ALDH5A1: variants seen among roughly 807,000 people sequenced by gnomAD.
The protein encoded by ALDH5A1 is aldehyde dehydrogenase 5 family member A1, also known as succinate-semialdehyde dehydrogenase, mitochondrial.
ALDH5A1 carries 33 observed loss-of-function variants against 54.7 expected under a neutral mutation model. The ratio of observed to expected loss-of-function variants is 0.60; its 90% CI spans 0.46 to 0.81. ALDH5A1 has a LOEUF of 0.81. Among genes scored for constraint, ALDH5A1 ranks in the 30% least tolerant of loss-of-function variants. The pLI, the probability that ALDH5A1 is intolerant of heterozygous loss-of-function variation, is 0.00. For missense variants in ALDH5A1, 657 were observed against 711.0 expected (o/e 0.92, Z 0.86); for synonymous variants, 294 against 292.7 (o/e 1.00, Z -0.05).
chr6:24,519,089 C>CTTTTGTTTTG (rs1009058529), intron 5 of ALDH5A1, among the ~76,000 whole-genome samples: 1 of 151,878 alleles, frequency 6.6e-6, no homozygotes, highest in Non-Finnish European at 1.5e-5. Flanking sequence ...GTGTTTTTGT[C>CTTTTGTTTTG]TTTTGTTTTG....
At chr6:24,533,404 C>A in intron 9 of ALDH5A1, 103 bp from the exon 10 acceptor site, 1 of 1,232,162 alleles carries the variant, frequency 8.1e-7, no homozygotes, top group Non-Finnish European at 1.2e-6. Context: ...GACTCCAGGC[C>A]CAAGTGGCTG....
chr6:24,533,502 G>A lies in ALDH5A1; in HGVS notation c.1403-5G>A. ...TGCCATATATGTCCTTTTATCCTGT[G>A]ACAGGTTATTTTTACTCTCAAGACC... is the stretch of plus-strand genomic sequence containing the variant. On this transcript the variant is annotated splice_region_variant and splice_polypyrimidine_tract_variant and intron_variant, in intron 9 of 9. Transcript: ENST00000357578. 1 of 1,613,976 alleles carries A rather than the reference G, an allele frequency of 6.2e-7. No homozygotes were observed. Among genetic ancestry groups the A allele is most frequent in the South Asian group, 1.1e-5 (1 of 91,056 alleles).
Position 24,495,040 on chromosome 6 carries a change from T to G in ALDH5A1, c.44T>G (p.Leu15Arg), listed in dbSNP as rs535285968. The change falls in exon 1 of 10, where the codon CTC becomes CGC. Residue 15 changes from leucine to arginine, a missense_variant. By Grantham distance (102) the Leu-to-Arg change is moderately radical (BLOSUM62 -2). Transcript: ENST00000357578. Reference protein sequence around the residue: ...IWLRSCGARRLGSTFPGCRLR... With the variant: ...IWLRSCGARRRGSTFPGCRLR... ...CTGCGGAGCTGTGGGGCCCGGCGCC[T>G]CGGGTCGACGTTTCCAGGCTGCCGC... 1.8e-5 allele frequency: 24 copies of G among 1,350,640 alleles called. No individual in the cohort carries two copies. In the South Asian group the frequency reaches 4.8e-4, roughly 27 times the overall value. 83.7% of individuals were successfully genotyped at this position (1,350,640 alleles called of 1,614,324 possible). A position where few individuals can be genotyped will look rare whatever the true frequency, so the allele number is the denominator to read the frequency against.
Position 24,522,717 on chromosome 6 carries a change from G to A in ALDH5A1, c.1015-50G>A, listed in dbSNP as rs762695320. On this transcript the variant is annotated intron_variant, in intron 6 of 9. Coordinates refer to ENST00000357578, the MANE Select transcript of ALDH5A1 (RefSeq NM_001080.3). ...TAGCAGCCACACGTTCACTGGTCAG[G>A]TCTGCAGCTTCTGACAGACTGTGTG... 20 of 1,607,840 alleles carry A rather than the reference G, an allele frequency of 1.2e-5. No homozygotes were observed. In the South Asian group the frequency reaches 1.9e-4, roughly 15 times the overall value.
Position 24,532,182 on chromosome 6 carries a change from G to T in ALDH5A1, c.1402+5G>T. 6.2e-7 allele frequency: 1 copy of T among 1,613,928 alleles called. No homozygotes were observed. The highest frequency in any genetic ancestry group is 8.5e-7 in the Non-Finnish European group (1 of 1,179,818). On this transcript the variant is annotated splice_donor_5th_base_variant and intron_variant, in intron 9 of 9. Coordinates refer to ENST00000357578, the MANE Select transcript of ALDH5A1 (RefSeq NM_001080.3). ...CAGCTGATGTTGGGTTAGCAGGTAG[G>T]TGTTTGTCCTTGTTCAATACCAGTC...
intron 4 of ALDH5A1, among the ~76,000 whole-genome samples, chr6:24,512,829 G>A (rs7754824): frequency 0.58 from 88,752 of 151,902 alleles, 28,663 homozygotes; most frequent in African/African-American, 0.87. Flanking sequence ...AGCTGGAATT[G>A]CAGGCACACA....
intron 4 of ALDH5A1, among the ~76,000 whole-genome samples, chr6:24,508,392 T>A (rs1467439958): frequency 0.071 from 942 of 13,360 alleles, 158 homozygotes; most frequent in African/African-American, 0.14. Flanking sequence ...AAAAAAAGAT[T>A]AATAGTCTCT....
chr6:24,495,398 G>T, intron 1 of ALDH5A1, 48 bp downstream of exon 1: 1 of 1,505,614 alleles, frequency 6.6e-7, no homozygotes, highest in Non-Finnish European at 8.9e-7. Flanking sequence ...GGGACACGGC[G>T]GGGAGCAGAG....
chr6:24,529,670 G>GTTTTTTTTTT (rs55878931), intron 8 of ALDH5A1, among the ~76,000 whole-genome samples: 17 of 86,322 alleles, frequency 2.0e-4, no homozygotes, highest in Non-Finnish European at 3.0e-4. Context: ...TTTGGTTTGG[G>GTTTTTTTTTT]TTTTTTTTTT....
At chr6:24,528,901 T>C (rs1759873463) in intron 8 of ALDH5A1, among the ~76,000 whole-genome samples, 1 of 151,916 alleles carries the variant, frequency 6.6e-6, no homozygotes, top group South Asian at 2.1e-4. Flanking sequence ...GTTCTTGAAC[T>C]CCTGACCTCA....
In ALDH5A1 at chr6:24,537,097, G is replaced by A. The variant is rs927598320; in HGVS notation, c.*3385G>A. The A allele has an allele frequency of 1.3e-5, 2 of 152,572 alleles. No homozygotes were observed. Among genetic ancestry groups the A allele is most frequent in the Non-Finnish European group, 2.9e-5 (2 of 68,036 alleles). 9.5% of individuals were successfully genotyped at this position (152,572 alleles called of 1,614,324 possible). ...ATTTATAAAGTTTTGCTTTTAAAAC[G>A]TGGACATAACTCATTTTTCTAGTTT... On this transcript the variant is annotated 3_prime_UTR_variant, in exon 10 of 10. Coordinates refer to ENST00000357578, the MANE Select transcript of ALDH5A1 (RefSeq NM_001080.3).
Position 24,522,101 on chromosome 6 carries a change from C to T in ALDH5A1, c.1015-666C>T, listed in dbSNP as rs1191824472. On this transcript the variant is annotated intron_variant, in intron 6 of 9. Transcript: ENST00000357578. ...CCTTAGGTGATCCACCCACCTCAGCCTCCCAAAGTGCTGGGGTTACAGGCA... is the reference window on the plus strand; with the variant it reads ...CCTTAGGTGATCCACCCACCTCAGCTTCCCAAAGTGCTGGGGTTACAGGCA... Among the ~76,000 whole-genome samples, 3 of 152,192 alleles carry T rather than the reference C, an allele frequency of 2.0e-5. No homozygotes were observed. The East Asian group carries it at 5.9e-4, about 30-fold the overall frequency.
rs1001746821 is a variant in ALDH5A1 at position 24,500,087 on chromosome 6, C to T, written c.355-2436C>T. ...CCTTCCAAAGTGTTGTGATTACGGG[C>T]ATGAGCCGCCACACCTGGTCCCATA... On this transcript the variant is annotated intron_variant, in intron 1 of 9. Coordinates refer to ENST00000357578, the MANE Select transcript of ALDH5A1 (RefSeq NM_001080.3). Among the ~76,000 whole-genome samples the T allele has an allele frequency of 1.2e-4, 18 of 152,312 alleles. 1 individual carries two copies. Among genetic ancestry groups the T allele is most frequent in the Middle Eastern group, 6.8e-3 (2 of 294 alleles).
At chr6:24,520,672 C>A (rs1759666112) in intron 6 of ALDH5A1, 128 bp downstream of exon 6, 3 of 1,374,740 alleles carry the variant, frequency 2.2e-6, no homozygotes, top group Non-Finnish European at 3.0e-6. Flanking sequence ...TACAAAGATC[C>A]CACCACCTCT....
At chr6:24,523,985 G>GGT (rs1278529649) in intron 7 of ALDH5A1, among the ~76,000 whole-genome samples, 1 of 113,398 alleles carries the variant, frequency 8.8e-6, no homozygotes, top group African/African-American at 3.2e-5. Context: ...AGTTTTTTGT[G>GGT]TTTTTTTTTT....
At chr6:24,516,816 GGGA>G (rs1759584282) in intron 5 of ALDH5A1, among the ~76,000 whole-genome samples, 1 of 152,110 alleles carries the variant, frequency 6.6e-6, no homozygotes, top group Non-Finnish European at 1.5e-5. Context: ...CCAGCTACTT[GGGA>G]GGGTGAGGTG....
chr6:24,511,897 TAAAG>T (rs1364231734), intron 4 of ALDH5A1: 1 of 594,566 alleles, frequency 1.7e-6, no homozygotes, highest in Non-Finnish European at 3.1e-6. Flanking sequence ...TGGGGGGTGT[TAAAG>T]AATCTTGTTT....
intron 4 of ALDH5A1, among the ~76,000 whole-genome samples, chr6:24,506,426 T>C (rs1759359559): frequency 6.6e-6 from 1 of 151,796 alleles, no homozygotes; most frequent in African/African-American, 2.4e-5. Flanking sequence ...CTAATTTTTG[T>C]ATTTTTTGGA....
At position 24,518,327 on chromosome 6, in the gene ALDH5A1, G is replaced by A. The variant is rs1759612211; in HGVS notation, c.871-2074G>A. Among the ~76,000 whole-genome samples, 1 of 152,232 alleles carries A rather than the reference G, an allele frequency of 6.6e-6. No individual in the cohort carries two copies. Among genetic ancestry groups the A allele is most frequent in the South Asian group, 2.1e-4 (1 of 4,834 alleles). Reference sequence around the variant, plus strand: ...GCTGGGAAAAGATTCATTAAGACATGACAGGAGTTTACACTATACCCAGTG... The same window carrying A: ...GCTGGGAAAAGATTCATTAAGACATAACAGGAGTTTACACTATACCCAGTG... On this transcript the variant is annotated intron_variant, in intron 5 of 9. Coordinates refer to ENST00000357578, the MANE Select transcript of ALDH5A1 (RefSeq NM_001080.3). The surrounding 1 kb of genome is among the most constrained non-coding windows in gnomAD (Gnocchi z 4.2).
Sources: allele counts gnomAD v4.1 joint callset (sites outside exome capture counted in the v4.1 genomes callset), GRCh38; gene constraint gnomAD v4.1.1; non-coding constraint Gnocchi (gnomAD v3.1); transcripts MANE v1.5; gene names NCBI Gene and HGNC (gene_info 2026-07-23, HGNC 2026-07-21).